NRXN3: variants seen among roughly 807,000 people sequenced by gnomAD.
NRXN3 encodes neurexin III.
Under a neutral mutation model 137.6 loss-of-function variants are expected in NRXN3, and 32 were observed. The ratio of observed to expected loss-of-function variants is 0.23; its 90% CI spans 0.18 to 0.31. The LOEUF is 0.31. NRXN3 is among the 10% of genes least tolerant of loss of function. NRXN3 has a pLI of 1.00. For synonymous variants in NRXN3, 798 were observed against 784.5 expected (o/e 1.02, Z -0.29); for missense variants, 1,574 against 2,062.5 (o/e 0.76, Z 4.59).
At chr14:79,406,988 G>C (rs746525293) in intron 15 of NRXN3, among the ~76,000 whole-genome samples, 22 of 152,082 alleles carry the variant, frequency 1.4e-4, no homozygotes, top group Non-Finnish European at 3.2e-4. Context: ...TTAACAAAGG[G>C]ACCTCTATGG....
rs138790192 is a variant in NRXN3, at chr14:79,398,103, A to G, written c.3263-69118A>G. On this transcript the variant is annotated intron_variant, in intron 15 of 20. Transcript: ENST00000335750. ...ATGAAATTAATTGACAAGAAGCTCA[A>G]TCTTAAGAGCACTCTGAACTGTATA... 3.3e-3 allele frequency among the ~76,000 whole-genome samples: 499 copies of G among 152,302 alleles called. 4 individuals carry two copies. The highest frequency in any genetic ancestry group is 0.012 in the African/African-American group (484 of 41,564).
intron 16 of NRXN3, among the ~76,000 whole-genome samples, chr14:79,561,947 G>A (rs2097502061): frequency 6.6e-6 from 1 of 152,090 alleles, no homozygotes; most frequent in East Asian, 1.9e-4. Context: ...ACATTCATCT[G>A]CATAAATTAG....
At chr14:78,448,186 G>A (rs1211493476) in intron 4 of NRXN3, among the ~76,000 whole-genome samples, 1 of 152,098 alleles carries the variant, frequency 6.6e-6, no homozygotes, top group Non-Finnish European at 1.5e-5. Context: ...TCCTTGCACG[G>A]TGGCATCTAG....
At chr14:78,306,355 G>A (rs1201584964) in intron 4 of NRXN3, among the ~76,000 whole-genome samples, 1 of 152,108 alleles carries the variant, frequency 6.6e-6, no homozygotes, top group African/African-American at 2.4e-5. Flanking sequence ...ATCCAGTTGA[G>A]TTAGTTAATC....
chr14:78,245,827 C>T (rs1414988331), intron 2 of NRXN3, among the ~76,000 whole-genome samples: 4 of 152,074 alleles, frequency 2.6e-5, no homozygotes, highest in Non-Finnish European at 5.9e-5. Context: ...GCATATATAT[C>T]GTCCTTATTT....
At position 79,560,265 on chromosome 14, in the gene NRXN3, C is replaced by T. The variant is rs80132219; in HGVS notation, c.3444+92863C>T. ...ATTCAGTCTTTCCTCTGGCCTGGTT[C>T]GTCAAACTTTCTAAAAAATTATGGA... is the stretch of plus-strand genomic sequence containing the variant. On this transcript the variant is annotated intron_variant, in intron 16 of 20. Transcript: ENST00000335750. Among the ~76,000 whole-genome samples, 2,328 of 151,900 alleles carry T rather than the reference C, an allele frequency of 0.015. 163 individuals carry two copies. In the East Asian group the frequency reaches 0.24, roughly 16 times the overall value.
chr14:78,239,885 G>C (rs1293240397), intron 1 of NRXN3, among the ~76,000 whole-genome samples: 1 of 152,086 alleles, frequency 6.6e-6, no homozygotes, highest in Non-Finnish European at 1.5e-5. Flanking sequence ...TGTATTTTTA[G>C]TAGAGATGGG....
chr14:79,672,122 T>A (rs1043780656), intron 17 of NRXN3, among the ~76,000 whole-genome samples: 1 of 152,062 alleles, frequency 6.6e-6, no homozygotes, highest in African/African-American at 2.4e-5. Context: ...ACAGGGCTGT[T>A]GAGCAAAAGA....
intron 4 of NRXN3, among the ~76,000 whole-genome samples, chr14:78,317,756 G>A (rs1029643293): frequency 1.3e-5 from 2 of 152,114 alleles, no homozygotes; most frequent in Admixed American, 1.3e-4. Context: ...AAGTTGACAC[G>A]TAAAATTACA....
chr14:78,268,915 G>T (rs114878640), intron 2 of NRXN3, among the ~76,000 whole-genome samples: 2,534 of 152,196 alleles, frequency 0.017, 74 homozygotes, highest in African/African-American at 0.058. Flanking sequence ...TGATGTTATT[G>T]TGAATAGGGA....
At chr14:79,260,006 G>A (rs1229786158) in intron 15 of NRXN3, among the ~76,000 whole-genome samples, 2 of 152,096 alleles carry the variant, frequency 1.3e-5, no homozygotes, top group African/African-American at 2.4e-5. Context: ...GAGCATAATT[G>A]CTGATAAAGT....
intron 6 of NRXN3, among the ~76,000 whole-genome samples, chr14:78,685,100 T>C (rs2098114052): frequency 6.6e-6 from 1 of 152,192 alleles, no homozygotes; most frequent in South Asian, 2.1e-4. Context: ...CTTTCCTCAG[T>C]GCTTTAGGAC....
In NRXN3 at chr14:79,273,677, C is replaced by A. The variant is rs116950698; in HGVS notation, c.3263-193544C>A. Among the ~76,000 whole-genome samples the A allele has an allele frequency of 3.9e-5, 6 of 152,084 alleles. No individual in the cohort carries two copies. The East Asian group carries it at 1.2e-3, about 29-fold the overall frequency. On this transcript the variant is annotated intron_variant, in intron 15 of 20. Transcript: ENST00000335750. ...AAATAAAATAATTTTTATTATTGAT[C>A]ATTTTTGTGTGTCGGGTACTATTTC... is the stretch of plus-strand genomic sequence containing the variant.
At chr14:79,059,462 T>C (rs2099671425) in intron 15 of NRXN3, among the ~76,000 whole-genome samples, 1 of 152,006 alleles carries the variant, frequency 6.6e-6, no homozygotes, top group African/African-American at 2.4e-5. Context: ...TTTCACCGTG[T>C]TAGCCAGGAT....
intron 15 of NRXN3, among the ~76,000 whole-genome samples, chr14:79,116,833 G>A (rs973995092): frequency 6.6e-5 from 10 of 152,140 alleles, no homozygotes; most frequent in South Asian, 4.1e-4. Context: ...TAGCAGGGTC[G>A]TTAGATAATG....
At chr14:79,804,476 G>T (rs1603545711) in intron 19 of NRXN3, among the ~76,000 whole-genome samples, 1 of 152,094 alleles carries the variant, frequency 6.6e-6, no homozygotes, top group East Asian at 1.9e-4. Flanking sequence ...GCTCTCTTCA[G>T]GAACAGCCTT....
chr14:78,392,934 T>C (rs2090967917), intron 4 of NRXN3, among the ~76,000 whole-genome samples: 1 of 152,112 alleles, frequency 6.6e-6, no homozygotes, highest in African/African-American at 2.4e-5. Flanking sequence ...CAAGAATAAC[T>C]CTGATTTCTA....
At chr14:79,818,046 G>GTT (rs55815632) in intron 20 of NRXN3, among the ~76,000 whole-genome samples, 1,630 of 90,352 alleles carry the variant, frequency 0.018, 164 homozygotes, top group Non-Finnish European at 0.022. Context: ...GTGCACTTGG[G>GTT]TTTTTTTTTT....
intron 15 of NRXN3, among the ~76,000 whole-genome samples, chr14:79,379,737 CAG>C (rs532910450): frequency 1.3e-4 from 20 of 152,248 alleles, no homozygotes; most frequent in African/African-American, 2.4e-4. Flanking sequence ...ATGAGGCAAA[CAG>C]GGGGCAGTTT....
Sources: gnomAD v4.1 joint callset for allele counts (sites outside exome capture counted in the v4.1 genomes callset) on GRCh38, gnomAD v4.1.1 for gene constraint, MANE v1.5 for transcripts, NCBI Gene and HGNC (gene_info 2026-07-23, HGNC 2026-07-21) for gene names.